Variants in XPO7 observed in about 807,000 individuals in gnomAD.
The protein encoded by XPO7 is exportin-7.
A neutral mutation model predicts 144.3 loss-of-function variants in XPO7; 21 were observed. That is an observed-to-expected ratio of 0.15 (90% CI 0.10 to 0.21). The LOEUF (loss-of-function observed/expected upper bound fraction) is 0.21, where lower values mean the gene tolerates loss of function less well. XPO7 is among the 10% of genes least tolerant of loss of function. XPO7 has a pLI of 1.00. For synonymous variants in XPO7, 580 were observed against 499.6 expected, an observed-to-expected ratio of 1.16 and a Z score of -2.15; for missense variants, 808 against 1,325.8, an observed-to-expected ratio of 0.61 and a Z score of 6.06.
At chr8:21,921,782 C>T (rs1810296973) in intron 1 of XPO7, among the ~76,000 whole-genome samples, 1 of 152,126 alleles carries the variant, frequency 6.6e-6, no homozygotes, top group African/African-American at 2.4e-5. Flanking sequence ...ATCTGTTGGT[C>T]TAAATTAGTG....
At chr8:21,989,891 C>T (rs1218870286) in intron 16 of XPO7, among the ~76,000 whole-genome samples, 5 of 109,940 alleles carry the variant, frequency 4.5e-5, no homozygotes, top group South Asian at 3.2e-4. Context: ...GCTCTGTTGC[C>T]CAGGCTGGAG....
chr8:21,993,890 C>A (rs981912346), intron 19 of XPO7, among the ~76,000 whole-genome samples: 1 of 151,240 alleles, frequency 6.6e-6, no homozygotes, highest in Non-Finnish European at 1.5e-5. Context: ...TTTTTTCTGG[C>A]TTTTTGAGTT....
chr8:21,993,879 C>CT (rs1451565473), intron 19 of XPO7, among the ~76,000 whole-genome samples: 3 of 151,242 alleles, frequency 2.0e-5, no homozygotes, highest in African/African-American at 7.3e-5. Flanking sequence ...TTCTTTTTTG[C>CT]TTTTTTCTGG....
chr8:21,941,071 A>T (rs1369486004), intron 1 of XPO7, among the ~76,000 whole-genome samples: 6 of 151,772 alleles, frequency 4.0e-5, no homozygotes, highest in East Asian at 1.9e-4. Flanking sequence ...ATCTGAGGAT[A>T]CTCAAGTCCC....
chr8:21,956,156 A>C (rs1811528450), intron 1 of XPO7, among the ~76,000 whole-genome samples: 1 of 152,144 alleles, frequency 6.6e-6, no homozygotes, highest in Non-Finnish European at 1.5e-5. Flanking sequence ...ACTTTGTTCT[A>C]CTCACACATG....
intron 11 of XPO7, 94 bp from the exon 12 acceptor site, chr8:21,984,552 T>A (rs13248727): frequency 2.6e-6 from 3 of 1,175,580 alleles, no homozygotes; most frequent in Admixed American, 5.4e-5. Context: ...CAGTCAGAAA[T>A]GGTGGCTAAG....
chr8:21,985,177 C>A (rs180780501), intron 12 of XPO7, among the ~76,000 whole-genome samples: 81 of 152,244 alleles, frequency 5.3e-4, no homozygotes, highest in African/African-American at 1.7e-3. Context: ...CTCCTGTCTG[C>A]TTTTTAATGC....
chr8:21,989,137 C>G (rs1812676108), intron 16 of XPO7, 54 bp downstream of exon 16: 2 of 1,507,516 alleles, frequency 1.3e-6, no homozygotes, highest in Non-Finnish European at 1.8e-6. Context: ...ATGCCACAGT[C>G]TTAGAATCAT....
At chr8:21,920,230 T>C (rs1177324321) in intron 1 of XPO7, among the ~76,000 whole-genome samples, 1 of 150,148 alleles carries the variant, frequency 6.7e-6, no homozygotes, top group Non-Finnish European at 1.5e-5. Flanking sequence ...AACCTCGCGC[T>C]GATAAACCTC....
intron 1 of XPO7, among the ~76,000 whole-genome samples, chr8:21,920,088 G>C (rs1019641469): frequency 1.8e-4 from 27 of 151,878 alleles, no homozygotes; most frequent in African/African-American, 6.0e-4. Context: ...CTTCGTCCCC[G>C]GGGGAGGCCT....
In XPO7 at chr8:21,990,558, C is replaced by T. The variant is rs6557719; in HGVS notation, c.1932+151C>T. ...CCACGATACTGCCAGATTATACTTACGTCATCAGAGTGGCTCTTTGAGATC... is the reference window on the plus strand; with the variant it reads ...CCACGATACTGCCAGATTATACTTATGTCATCAGAGTGGCTCTTTGAGATC... On this transcript the variant is annotated intron_variant, in intron 17 of 27. Coordinates refer to ENST00000252512, the MANE Select transcript of XPO7 (RefSeq NM_015024.5). 5,739 of 911,370 alleles carry T rather than the reference C, an allele frequency of 6.3e-3. 212 individuals carry two copies. The African/African-American group carries it at 0.081, about 13-fold the overall frequency. 56.5% of individuals were successfully genotyped at this position (911,370 alleles called of 1,614,324 possible).
At chr8:21,950,060 G>T (rs1490075646) in intron 1 of XPO7, among the ~76,000 whole-genome samples, 2 of 152,192 alleles carry the variant, frequency 1.3e-5, no homozygotes, top group Non-Finnish European at 2.9e-5. Flanking sequence ...TGGCCTTGGT[G>T]TCTTCAGTCT....
intron 7 of XPO7, among the ~76,000 whole-genome samples, chr8:21,977,138 A>G (rs895148875): frequency 3.3e-5 from 5 of 152,246 alleles, no homozygotes; most frequent in African/African-American, 9.6e-5. Context: ...AACAAAATCA[A>G]ACACAACAAC....
At chr8:21,978,573 G>C (rs1812300629) in intron 8 of XPO7, among the ~76,000 whole-genome samples, 1 of 152,174 alleles carries the variant, frequency 6.6e-6, no homozygotes, top group Admixed American at 6.5e-5. Context: ...TAAGGTTACT[G>C]CAAGAAAAGG....
At chr8:21,981,624 T>TA (rs1346675402) in intron 9 of XPO7, 107 bp from the exon 10 acceptor site, 1 of 1,396,738 alleles carries the variant, frequency 7.2e-7, no homozygotes, top group African/African-American at 1.4e-5. Context: ...GCCCAGAAGT[T>TA]AAAAAGTAGA....
At chr8:21,975,449 C>A (rs1395292517) in intron 6 of XPO7, among the ~76,000 whole-genome samples, 1 of 152,218 alleles carries the variant, frequency 6.6e-6, no homozygotes. Flanking sequence ...TGTAACACAG[C>A]TCGGATGCTT....
At chr8:21,990,104 C>G (rs1812720046) in intron 16 of XPO7, among the ~76,000 whole-genome samples, 2 of 151,954 alleles carry the variant, frequency 1.3e-5, no homozygotes, top group Admixed American at 1.3e-4. Flanking sequence ...CCTCCTCGGC[C>G]TCTCAAAGTG....
intron 1 of XPO7, among the ~76,000 whole-genome samples, chr8:21,943,386 G>A (rs1397765732): frequency 6.6e-6 from 1 of 152,170 alleles, no homozygotes; most frequent in Non-Finnish European, 1.5e-5. Context: ...ATGCTATGGT[G>A]ATTGACAGCA....
In XPO7 at chr8:21,947,559, CA is replaced by C. The variant is rs1443430095; in HGVS notation, c.19-19296del. On this transcript the variant is annotated intron_variant, in intron 1 of 27. Transcript: ENST00000252512. ...CTGCAACATAGACACACATCATACA[CA>C]ATATTTAAGAGGTTTTTACATCTTG... Among the ~76,000 whole-genome samples, 8 of 152,166 alleles carry C rather than the reference CA, an allele frequency of 5.3e-5. No homozygotes were observed. In the East Asian group the frequency reaches 1.5e-3, roughly 29 times the overall value.
Sources: allele counts gnomAD v4.1 joint callset (sites outside exome capture counted in the v4.1 genomes callset), GRCh38; gene constraint gnomAD v4.1.1; transcripts MANE v1.5; gene names NCBI Gene and HGNC (gene_info 2026-07-23, HGNC 2026-07-21).